Variants in FRMD7 observed in about 807,000 individuals in gnomAD.
FRMD7 encodes the protein FERM domain-containing protein 7.
A neutral mutation model predicts 44.1 loss-of-function variants in FRMD7; 14 were observed. The observed-to-expected ratio is 0.32, with a 90% CI of 0.21 to 0.50. The LOEUF is 0.50. FRMD7 is among the 20% of genes least tolerant of loss of function. The probability of loss-of-function intolerance (pLI) is 0.99; values close to 1 mark genes in which losing one functional copy is unlikely to be tolerated. For synonymous variants in FRMD7, 212 were observed against 187.4 expected, an observed-to-expected ratio of 1.13 and a Z score of -1.07; for missense variants, 501 against 522.3, an observed-to-expected ratio of 0.96 and a Z score of 0.40.
At chrX:132,120,594 G>A (rs1055949907) in intron 1 of FRMD7, among the ~76,000 whole-genome samples, 8 of 112,709 alleles carry the variant, frequency 7.1e-5, no homozygotes, top group African/African-American at 2.6e-4. Flanking sequence ...CCTTTCAGCT[G>A]TGGGGATGGG....
chrX:132,090,667 A>C (rs1928140785), intron 5 of FRMD7, among the ~76,000 whole-genome samples: 1 of 111,341 alleles, frequency 9.0e-6, no homozygotes, highest in African/African-American at 3.3e-5. Flanking sequence ...TTTGCTAAAA[A>C]TCATTGAGTT....
intron 1 of FRMD7, among the ~76,000 whole-genome samples, chrX:132,114,376 T>C (rs745727141): frequency 3.6e-4 from 40 of 111,468 alleles, no homozygotes; most frequent in African/African-American, 1.1e-3. Context: ...CCAAACTAAA[T>C]GGAATGGGGA....
chrX:132,084,586 C>T lies in FRMD7; in HGVS notation c.646-1G>A, dbSNP rs1413052728. On this transcript the variant is annotated splice_acceptor_variant, in intron 7 of 11. Coordinates refer to ENST00000298542, the MANE Select transcript of FRMD7 (RefSeq NM_194277.3). LOFTEE classifies it high-confidence loss of function. ...TAAAAGTATTGATCTTTGTATTTCC[C>T]TACAATGAAAAATGTGGCAGATTTC... 1.8e-6 allele frequency: 2 copies of T among 1,089,981 alleles called. No individual in the cohort carries two copies. Among genetic ancestry groups the T allele is most frequent in the East Asian group, 3.0e-5 (1 of 33,337 alleles). 89.8% of individuals were successfully genotyped at this position (1,089,981 alleles called of 1,213,427 possible).
At chrX:132,103,965 C>G (rs1928578697) in intron 1 of FRMD7, among the ~76,000 whole-genome samples, 1 of 112,062 alleles carries the variant, frequency 8.9e-6, no homozygotes, top group Non-Finnish European at 1.9e-5. Flanking sequence ...GTATAATAGT[C>G]CTCTTAAGAG....
rs903939499 is a variant in FRMD7, at chrX:132,078,203, G to A, written c.1814C>T (p.Ser605Leu). Residue 605 changes from serine to leucine, a missense_variant, in exon 12 of 12, where the codon TCA (serine) becomes TTA (leucine). Coordinates refer to ENST00000298542, the MANE Select transcript of FRMD7 (RefSeq NM_194277.3). ...ACAAGGCCCTAAAGGTCTAAATTCT[G>A]ACCCAAAAGGAAAACGAATAGTTTT... ...DMKTIRFPFGSEFRPLGPCPA... is the reference protein window; with the variant it reads ...DMKTIRFPFGLEFRPLGPCPA... 1.7e-6 allele frequency: 2 copies of A among 1,209,974 alleles called. No individual in the cohort carries two copies. Among genetic ancestry groups the A allele is most frequent in the African/African-American group, 3.5e-5 (2 of 57,187 alleles).
At chrX:132,096,459 G>A (rs1928336613) in intron 4 of FRMD7, among the ~76,000 whole-genome samples, 1 of 109,832 alleles carries the variant, frequency 9.1e-6, no homozygotes, top group Non-Finnish European at 1.9e-5. Context: ...GCTCATGCCT[G>A]TAATCCCAGC....
intron 1 of FRMD7, among the ~76,000 whole-genome samples, chrX:132,101,946 C>G (rs1928511739): frequency 9.0e-6 from 1 of 111,279 alleles, no homozygotes; most frequent in South Asian, 3.8e-4. Context: ...CTGATAGGCA[C>G]AAAGACTGGC....
At chrX:132,087,596 G>A (rs1159790592) in intron 5 of FRMD7, among the ~76,000 whole-genome samples, 1 of 111,424 alleles carries the variant, frequency 9.0e-6, no homozygotes, top group East Asian at 2.8e-4. Context: ...GGCTCTGATG[G>A]TTTCACTGAC....
chrX:132,085,453 G>T, intron 7 of FRMD7, 128 bp downstream of exon 7: 1 of 570,120 alleles, frequency 1.8e-6, no homozygotes, highest in Non-Finnish European at 3.0e-6. Flanking sequence ...AAATATGATT[G>T]ACCATTTCCC....
chrX:132,103,956 T>C (rs1415540102), intron 1 of FRMD7, among the ~76,000 whole-genome samples: 1 of 112,159 alleles, frequency 8.9e-6, no homozygotes, highest in Non-Finnish European at 1.9e-5. Context: ...TGTACATTAG[T>C]ATAATAGTCC....
intron 8 of FRMD7, among the ~76,000 whole-genome samples, chrX:132,083,556 A>G (rs1407721709): frequency 8.9e-6 from 1 of 111,934 alleles, no homozygotes; most frequent in Non-Finnish European, 1.9e-5. Context: ...GAACTGCTCA[A>G]TGAACACTTT....
rs1284759765 is a variant in FRMD7, at chrX:132,078,475, C to G, written c.1542G>C (p.Glu514Asp). The G allele has an allele frequency of 8.3e-7, 1 of 1,209,037 alleles. No individual in the cohort carries two copies. The highest frequency in any genetic ancestry group is 1.1e-6 in the Non-Finnish European group (1 of 894,771). The change falls in exon 12 of 12, where the codon GAG (glutamate) becomes GAC (aspartate). Residue 514 changes from glutamate (E) to aspartate (D), a missense_variant. Glu to Asp is a conservative substitution (Grantham distance 45, BLOSUM62 2). This residue lies in a region of FRMD7 where 453 missense variants were observed against 452.7 expected (regional missense o/e 1.00). Transcript: ENST00000298542. ...CATAGCTATGTGGACTTGTCCTTTC[C>G]TCTGCTCTAATTGGGGACCATCTGG... is the stretch of plus-strand genomic sequence containing the variant. The part of the protein sequence containing the change: ...QVPRWSPIRA[E>D]ERTSPHSYVE...
In FRMD7 at chrX:132,116,795, G is replaced by A. The variant is rs753597128; in HGVS notation, c.57+10993C>T. 7.2e-5 allele frequency among the ~76,000 whole-genome samples: 8 copies of A among 111,782 alleles called. No individual in the cohort carries two copies. The South Asian group carries it at 2.3e-3, about 32-fold the overall frequency. On this transcript the variant is annotated intron_variant, in intron 1 of 11. Coordinates refer to ENST00000298542, the MANE Select transcript of FRMD7 (RefSeq NM_194277.3). ...GTTTACCTATGTCACAAACCTGTCC[G>A]TTCTGCACATGTATCCCAGAACTTA... is the stretch of plus-strand genomic sequence containing the variant.
At chrX:132,092,925 AT>A (rs1928222405) in intron 5 of FRMD7, among the ~76,000 whole-genome samples, 2 of 111,780 alleles carry the variant, frequency 1.8e-5, no homozygotes, top group Non-Finnish European at 1.9e-5. Context: ...ATACTGGGTC[AT>A]TTTTCATCCT....
In FRMD7 at chrX:132,114,175, G is replaced by C. The variant is rs758044434; in HGVS notation, c.58-13459C>G. 6.3e-5 allele frequency among the ~76,000 whole-genome samples: 7 copies of C among 111,551 alleles called. No individual in the cohort carries two copies. The East Asian group carries it at 2.0e-3, about 32-fold the overall frequency. On this transcript the variant is annotated intron_variant, in intron 1 of 11. Transcript: ENST00000298542. ...ACTATGTTGCCCAGCAGGGCTGTGA[G>C]CAGGTTGGAAGCCATGCTGTTCTGA...
chrX:132,117,732 AT>A (rs1465129820), intron 1 of FRMD7, among the ~76,000 whole-genome samples: 1 of 112,150 alleles, frequency 8.9e-6, no homozygotes, highest in Non-Finnish European at 1.9e-5. Context: ...TTTTAAAAAA[AT>A]GTAGTATTAT....
Position 132,094,052 on chromosome X carries a change from G to A in FRMD7, c.372C>T (p.His124=). Residue 124 remains histidine (H), a synonymous_variant, in exon 5 of 12, where the codon CAC becomes CAT. Coordinates refer to ENST00000298542, the MANE Select transcript of FRMD7 (RefSeq NM_194277.3). ...SDNCTALMVS[H]ILQSELGDFH... ...ACATTTGCTACTTACATTGTAAGAT[G>A]TGAGATACCATCAACGCTGTACAGT... 8.8e-7 allele frequency: 1 copy of A among 1,141,791 alleles called. No individual in the cohort carries two copies. The highest frequency in any genetic ancestry group is 1.2e-6 in the Non-Finnish European group (1 of 831,885). The allele number at this position is 1,141,791 out of a possible 1,213,427, so 94.1% of individuals were successfully genotyped here. A position where few individuals can be genotyped will look rare whatever the true frequency, so the allele number is the denominator to read the frequency against.
intron 1 of FRMD7, among the ~76,000 whole-genome samples, chrX:132,119,514 G>A (rs1018999422): frequency 1.8e-5 from 2 of 111,534 alleles, no homozygotes; most frequent in Admixed American, 9.5e-5. Flanking sequence ...GTGGTGAAGC[G>A]CCATGCCTAA....
At chrX:132,122,841 C>T (rs766116200) in intron 1 of FRMD7, among the ~76,000 whole-genome samples, 2 of 111,940 alleles carry the variant, frequency 1.8e-5, no homozygotes, top group South Asian at 7.5e-4. Context: ...AGGCTAATGT[C>T]CCCACTTTTA....
Sources: gnomAD v4.1 joint callset for allele counts (sites outside exome capture counted in the v4.1 genomes callset) on GRCh38, gnomAD v4.1.1 for gene constraint, gnomAD v4.1.1 regional missense constraint, MANE v1.5 for transcripts, NCBI Gene and HGNC (gene_info 2026-07-23, HGNC 2026-07-21) for gene names.